XPO4: variants seen among roughly 807,000 people sequenced by gnomAD.
The protein encoded by XPO4 is exportin-4.
A neutral mutation model predicts 143.0 loss-of-function variants in XPO4; 39 were observed. The observed-to-expected ratio is 0.27, with a 90% CI of 0.21 to 0.36. The LOEUF (loss-of-function observed/expected upper bound fraction) is 0.36, where lower values mean the gene tolerates loss of function less well. XPO4 is among the 10% of genes least tolerant of loss of function. The pLI, the probability that XPO4 is intolerant of heterozygous loss-of-function variation, is 1.00. For synonymous variants in XPO4, 439 were observed against 474.0 expected (o/e 0.93, Z 0.96); for missense variants, 907 against 1,348.0 (o/e 0.67, Z 5.12).
intron 11 of XPO4, 81 bp downstream of exon 11, chr13:20,809,002 T>C: frequency 1.4e-6 from 2 of 1,479,900 alleles, no homozygotes; most frequent in South Asian, 2.6e-5. Flanking sequence ...GTGTTTAAAG[T>C]CTTTAAACAC....
At chr13:20,850,134 T>G (rs2060068598) in intron 4 of XPO4, 1 of 985,056 alleles carries the variant, frequency 1.0e-6, no homozygotes, top group Non-Finnish European at 1.2e-6. Flanking sequence ...ATGATTAGTT[T>G]CACTCATAGC....
At chr13:20,832,427 G>C (rs1393028021) in intron 6 of XPO4, among the ~76,000 whole-genome samples, 3 of 152,144 alleles carry the variant, frequency 2.0e-5, no homozygotes, top group African/African-American at 7.2e-5. Flanking sequence ...GCATACAGTA[G>C]CTACACATTA....
intron 2 of XPO4, 42 bp downstream of exon 2, chr13:20,868,554 G>A (rs1358438563): frequency 2.5e-6 from 4 of 1,595,818 alleles, no homozygotes; most frequent in Non-Finnish European, 3.4e-6. Flanking sequence ...ACCCAGATCT[G>A]ATTATGCCAA....
chr13:20,782,586 A>G lies in XPO4; in HGVS notation c.*1136T>C, dbSNP rs2059154481. 1 of 152,590 alleles carries G rather than the reference A, an allele frequency of 6.6e-6. No individual in the cohort carries two copies. The highest frequency in any genetic ancestry group is 1.5e-5 in the Non-Finnish European group (1 of 68,028). 9.5% of individuals were successfully genotyped at this position (152,590 alleles called of 1,614,324 possible). On this transcript the variant is annotated 3_prime_UTR_variant, in exon 23 of 23. Transcript: ENST00000255305. ...GAATCAGTGATTCACATCCTTTAAA[A>G]TAATTATTGCTTAAGCAAGCCATTT...
chr13:20,842,470 C>T (rs1358700180), intron 6 of XPO4, among the ~76,000 whole-genome samples: 1 of 152,124 alleles, frequency 6.6e-6, no homozygotes, highest in Non-Finnish European at 1.5e-5. Flanking sequence ...ACTTGAACAA[C>T]ATCACCATCC....
At chr13:20,787,662 T>A (rs1037633214) in intron 20 of XPO4, 64 bp from the exon 21 acceptor site, 2 of 1,360,790 alleles carry the variant, frequency 1.5e-6, no homozygotes, top group Non-Finnish European at 2.1e-6. Flanking sequence ...GATAAAAAAA[T>A]TATAGCTAGT....
chr13:20,798,269 G>C (rs573820090), intron 16 of XPO4, among the ~76,000 whole-genome samples: 1 of 152,276 alleles, frequency 6.6e-6, no homozygotes, highest in Admixed American at 6.5e-5. Flanking sequence ...ACACACACAG[G>C]GGGAGCATGT....
chr13:20,801,555 G>A (rs920709051), intron 13 of XPO4, among the ~76,000 whole-genome samples: 17 of 152,176 alleles, frequency 1.1e-4, no homozygotes, highest in African/African-American at 4.1e-4. Flanking sequence ...GATTACCTGT[G>A]TAAGTACACA....
At chr13:20,862,671 A>AT in intron 3 of XPO4, 46 bp downstream of exon 3, 1 of 1,611,604 alleles carries the variant, frequency 6.2e-7, no homozygotes. Context: ...AAAGATACAC[A>AT]TAAGCTCAGC....
At chr13:20,848,560 C>T (rs2304932) in intron 4 of XPO4, 445,516 of 984,584 alleles carry the variant, frequency 0.45, 105,260 homozygotes, top group Non-Finnish European at 0.49. Flanking sequence ...TGACAACCAC[C>T]TATTTCAGCT....
At chr13:20,786,913 T>A in intron 22 of XPO4, 52 bp downstream of exon 22, 2 of 1,467,620 alleles carry the variant, frequency 1.4e-6, no homozygotes, top group Non-Finnish European at 1.8e-6. Context: ...CTCAACAATC[T>A]CTTTGCAAAA....
intron 3 of XPO4, chr13:20,856,170 T>C (rs2060141555): frequency 1.1e-5 from 3 of 265,044 alleles, no homozygotes; most frequent in African/African-American, 2.3e-5. Flanking sequence ...ATCACTAAGA[T>C]TAAGATTCCA....
chr13:20,870,887 T>G (rs1451341113), intron 1 of XPO4, among the ~76,000 whole-genome samples: 1 of 152,202 alleles, frequency 6.6e-6, no homozygotes, highest in Non-Finnish European at 1.5e-5. Flanking sequence ...CACAGCTCAC[T>G]GCAGCCTCAA....
At chr13:20,868,349 T>C (rs1213018979) in intron 2 of XPO4, 8 of 377,872 alleles carry the variant, frequency 2.1e-5, no homozygotes, top group Middle Eastern at 8.8e-4. Context: ...CTTCATGTTA[T>C]GGTCAATAAT....
rs1297437642 is a variant in XPO4 at position 20,783,811 on chromosome 13, G to A, written c.3367C>T (p.Pro1123Ser). The change falls in exon 23 of 23, where the codon CCT becomes TCT. Residue 1123 changes from proline (P) to serine (S), a missense_variant. Coordinates refer to ENST00000255305, the MANE Select transcript of XPO4 (RefSeq NM_022459.5). ...ATCTTCTGCTTCCGATCCAGCGTAG[G>A]AGGAGTGCTGCTTGCAGTGAGCTTG... The part of the protein sequence containing the change: ...FNKLTASSTP[P>S]TLDRKQKMAF... 2 of 1,614,188 alleles carry A rather than the reference G, an allele frequency of 1.2e-6. No homozygotes were observed. The highest frequency in any genetic ancestry group is 1.7e-6 in the Non-Finnish European group (2 of 1,180,016).
At chr13:20,791,583 G>A (rs988410453) in intron 18 of XPO4, among the ~76,000 whole-genome samples, 5 of 152,108 alleles carry the variant, frequency 3.3e-5, no homozygotes, top group South Asian at 2.1e-4. Flanking sequence ...TAAACAAAAC[G>A]ACAGAATATA....
chr13:20,886,782 T>C (rs533161009), intron 1 of XPO4, among the ~76,000 whole-genome samples: 1 of 151,954 alleles, frequency 6.6e-6, no homozygotes, highest in Non-Finnish European at 1.5e-5. Context: ...ATTAAAAGGA[T>C]AGCAAACAGG....
At chr13:20,837,989 G>A (rs1433827682) in intron 6 of XPO4, among the ~76,000 whole-genome samples, 1 of 152,022 alleles carries the variant, frequency 6.6e-6, no homozygotes, top group Non-Finnish European at 1.5e-5. Context: ...ATGTTGCCCA[G>A]GCTAGTCTCA....
Position 20,902,684 on chromosome 13 carries a change from C to T in XPO4, c.55G>A (p.Ala19Thr). The T allele has an allele frequency of 6.3e-7, 1 of 1,580,112 alleles. No individual in the cohort carries two copies. The highest frequency in any genetic ancestry group is 1.8e-5 in the Admixed American group (1 of 56,016). ...PEVIAQLENA[A>T]KVLMAPPSMV... is the part of the protein sequence containing the mutation. ...GGCGTCCTCACCATCAGAACTTTAG[C>T]CGCGTTCTCCAGCTGAGCGATCACT... Residue 19 changes from alanine to threonine, a missense_variant, in exon 1 of 23, where the codon GCT becomes ACT. Physicochemically the swap from Ala to Thr is moderately conservative, Grantham distance 58. Transcript: ENST00000255305.
Sources: gnomAD v4.1 joint callset for allele counts (sites outside exome capture counted in the v4.1 genomes callset) on GRCh38, gnomAD v4.1.1 for gene constraint, MANE v1.5 for transcripts, NCBI Gene and HGNC (gene_info 2026-07-23, HGNC 2026-07-21) for gene names.